Variants in PHF14 observed in about 807,000 individuals in gnomAD.
PHF14 encodes PHD finger protein 14.
A neutral mutation model predicts 117.9 loss-of-function variants in PHF14; 55 were observed. That is an observed-to-expected ratio of 0.47 (90% CI 0.38 to 0.58). The LOEUF (loss-of-function observed/expected upper bound fraction) is 0.58. PHF14 is among the 20% of genes least tolerant of loss of function. PHF14 has a pLI of 0.00. For missense variants in PHF14, 978 were observed against 1,122.2 expected (o/e 0.87, Z 1.84); for synonymous variants, 409 against 368.6 (o/e 1.11, Z -1.26).
intron 17 of PHF14, among the ~76,000 whole-genome samples, chr7:11,132,241 C>T (rs1788110062): frequency 1.3e-5 from 2 of 151,418 alleles, no homozygotes; most frequent in African/African-American, 4.8e-5. Context: ...ATCCTCTGAC[C>T]TCTACTTGCC....
intron 4 of PHF14, among the ~76,000 whole-genome samples, chr7:11,011,307 A>G (rs1783350272): frequency 6.6e-6 from 1 of 152,056 alleles, no homozygotes; most frequent in Admixed American, 6.6e-5. Context: ...AATTTCTTTG[A>G]TGGTTGTGAG....
chr7:10,985,440 T>G lies in PHF14; in HGVS notation c.900+2281T>G, dbSNP rs571629416. On this transcript the variant is annotated intron_variant, in intron 3 of 17. Transcript: ENST00000634607. ...TTTAGTTTATAAGCAGGCAGACATT[T>G]TTCTTAGCTGCTAAGTTCATTTGTA... Among the ~76,000 whole-genome samples, 43 of 152,130 alleles carry G rather than the reference T, an allele frequency of 2.8e-4. 1 individual carries two copies. The highest frequency in any genetic ancestry group is 6.8e-3 in the Middle Eastern group (2 of 294).
intron 7 of PHF14, among the ~76,000 whole-genome samples, chr7:11,030,827 A>G (rs905369534): frequency 6.6e-6 from 1 of 152,212 alleles, no homozygotes; most frequent in African/African-American, 2.4e-5. Flanking sequence ...GATTTAAAGC[A>G]TATTTACATA....
chr7:11,038,257 C>G (rs1426819552), intron 10 of PHF14, among the ~76,000 whole-genome samples: 1 of 151,854 alleles, frequency 6.6e-6, no homozygotes, highest in African/African-American at 2.4e-5. Context: ...ATGGCAAAAC[C>G]CCGTCTCTAC....
intron 4 of PHF14, among the ~76,000 whole-genome samples, chr7:11,004,956 A>G (rs999402673): frequency 4.6e-5 from 7 of 152,142 alleles, no homozygotes; most frequent in Non-Finnish European, 5.9e-5. Flanking sequence ...GGCGGAGGTT[A>G]CAGTAAGCCA....
At chr7:11,110,759 T>A (rs1010508735) in intron 16 of PHF14, among the ~76,000 whole-genome samples, 3 of 152,034 alleles carry the variant, frequency 2.0e-5, no homozygotes, top group African/African-American at 7.2e-5. Context: ...GTAAAGGTTA[T>A]TTTTATTTGT....
In PHF14 at chr7:11,133,626, G is replaced by A. The variant is rs115344153; in HGVS notation, c.2772+22159G>A. Reference sequence around the variant, plus strand: ...GACAGGAAAAGCTAATCTCCAGAGTGCTTCCCCTAGCAAGACACTCTTTTT... The same window carrying A: ...GACAGGAAAAGCTAATCTCCAGAGTACTTCCCCTAGCAAGACACTCTTTTT... On this transcript the variant is annotated intron_variant, in intron 17 of 17. Coordinates refer to ENST00000634607, the MANE Select transcript of PHF14 (RefSeq NM_001007157.2). 7.7e-3 allele frequency among the ~76,000 whole-genome samples: 1,163 copies of A among 151,986 alleles called. 11 individuals are homozygous for A. Among genetic ancestry groups the A allele is most frequent in the African/African-American group, 0.027 (1,113 of 41,536 alleles).
chr7:11,123,645 T>C (rs1020554722), intron 17 of PHF14, among the ~76,000 whole-genome samples: 7 of 152,102 alleles, frequency 4.6e-5, no homozygotes, highest in African/African-American at 1.7e-4. Context: ...CTGGGTGCAG[T>C]GGTGTGAACC....
intron 16 of PHF14, chr7:11,103,105 T>C: frequency 3.1e-6 from 3 of 971,260 alleles, no homozygotes; most frequent in Non-Finnish European, 3.7e-6. Flanking sequence ...AAATGTTATT[T>C]CTATTTATAA....
intron 2 of PHF14, among the ~76,000 whole-genome samples, chr7:10,981,879 A>G (rs1382447110): frequency 6.6e-6 from 1 of 152,176 alleles, no homozygotes; most frequent in African/African-American, 2.4e-5. Flanking sequence ...TTTACTGGGT[A>G]AAGAGTAAAA....
chr7:10,995,858 C>T (rs145758930), intron 4 of PHF14, among the ~76,000 whole-genome samples: 2,976 of 152,328 alleles, frequency 0.02, 39 homozygotes, highest in Middle Eastern at 0.044. Flanking sequence ...CCGGAACTCG[C>T]GCTGGCCCGC....
chr7:11,040,602 C>A, intron 11 of PHF14, 70 bp from the exon 12 acceptor site: 1 of 655,714 alleles, frequency 1.5e-6, no homozygotes. Context: ...GCTTGAGTGG[C>A]AATTAGAGGA....
At chr7:11,123,046 G>A (rs865966927) in intron 17 of PHF14, among the ~76,000 whole-genome samples, 18 of 152,194 alleles carry the variant, frequency 1.2e-4, no homozygotes, top group Middle Eastern at 3.4e-3. Context: ...CTTCTCTCCT[G>A]CGTTTGCCTT....
intron 2 of PHF14, among the ~76,000 whole-genome samples, chr7:10,981,180 A>C (rs924199601): frequency 4.6e-5 from 7 of 152,146 alleles, no homozygotes; most frequent in African/African-American, 1.7e-4. Context: ...TTAATTACAG[A>C]GGTTAAGCCT....
At chr7:11,089,369 G>A (rs894522125) in intron 16 of PHF14, among the ~76,000 whole-genome samples, 8 of 152,070 alleles carry the variant, frequency 5.3e-5, no homozygotes, top group African/African-American at 1.4e-4. Context: ...AGCTTGGATC[G>A]TATTTGAACA....
intron 17 of PHF14, among the ~76,000 whole-genome samples, chr7:11,160,709 G>C (rs1331875534): frequency 6.6e-6 from 1 of 152,084 alleles, no homozygotes; most frequent in African/African-American, 2.4e-5. Flanking sequence ...TTGGCTGTTT[G>C]TATGTCTTCT....
At chr7:11,156,575 C>T (rs529560796) in intron 17 of PHF14, among the ~76,000 whole-genome samples, 8 of 152,116 alleles carry the variant, frequency 5.3e-5, no homozygotes, top group East Asian at 1.9e-4. Flanking sequence ...CGGCGGATCA[C>T]CTAAGGTCGG....
intron 17 of PHF14, among the ~76,000 whole-genome samples, chr7:11,112,419 A>G (rs1787477999): frequency 6.6e-6 from 1 of 152,240 alleles, no homozygotes; most frequent in Non-Finnish European, 1.5e-5. Context: ...TAAAAACTGC[A>G]AAAAGACATT....
intron 10 of PHF14, 72 bp downstream of exon 10, chr7:11,037,163 AT>A: frequency 7.5e-7 from 1 of 1,331,596 alleles, no homozygotes; most frequent in East Asian, 2.6e-5. Flanking sequence ...AATGTATGGC[AT>A]TTCTTTTATG....
Sources: gnomAD v4.1 joint callset for allele counts (sites outside exome capture counted in the v4.1 genomes callset) on GRCh38, gnomAD v4.1.1 for gene constraint, MANE v1.5 for transcripts, NCBI Gene and HGNC (gene_info 2026-07-23, HGNC 2026-07-21) for gene names.